DESI1: variants seen among roughly 807,000 people sequenced by gnomAD.
DESI1 encodes the protein desumoylating isopeptidase 1.
A neutral mutation model predicts 22.4 loss-of-function variants in DESI1; 17 were observed. The ratio of observed to expected loss-of-function variants is 0.76; its 90% CI spans 0.52 to 1.14. DESI1 has a LOEUF of 1.14. DESI1 is among the 50% of genes most tolerant of loss of function. The pLI is 0.00. For synonymous variants in DESI1, 92 were observed against 84.2 expected (o/e 1.09, Z -0.51); for missense variants, 177 against 208.9 (o/e 0.85, Z 0.94).
At chr22:41,617,432 A>G (rs181718609) in intron 1 of DESI1, among the ~76,000 whole-genome samples, 2 of 152,360 alleles carry the variant, frequency 1.3e-5, no homozygotes, top group East Asian at 3.8e-4. Context: ...TACTTCTAGA[A>G]TTCATCATAA....
Position 41,601,189 on chromosome 22 carries a change from G to T in DESI1, c.415C>A (p.Pro139Thr). The T allele has an allele frequency of 1.2e-6, 2 of 1,607,532 alleles. No homozygotes were observed. The highest frequency in any genetic ancestry group is 1.7e-6 in the Non-Finnish European group (2 of 1,177,196). ...AGGGGCCGAAGTGCCTGTCCAAAGG[G>T]CCTGCAAGGAAACAGAGACATGAGA... is the stretch of plus-strand genomic sequence containing the variant. ...TDLPSEVLST[P>T]FGQALRPLLD... The change falls in exon 6 of 6, where the codon CCC becomes ACC. Residue 139 changes from proline (P) to threonine (T), a missense_variant and splice_region_variant. By Grantham distance (38) the Pro-to-Thr change is conservative (BLOSUM62 -1). Coordinates refer to ENST00000263256, the MANE Select transcript of DESI1 (RefSeq NM_015704.3).
chr22:41,603,997 A>G (rs957912442), intron 4 of DESI1, 47 bp downstream of exon 4: 3 of 1,549,674 alleles, frequency 1.9e-6, no homozygotes, highest in African/African-American at 2.7e-5. Flanking sequence ...GTTATTATCT[A>G]GCTGGGGAGA....
At chr22:41,602,456 A>G (rs889010084) in intron 5 of DESI1, 1 of 985,304 alleles carries the variant, frequency 1.0e-6, no homozygotes, top group Non-Finnish European at 1.2e-6. Context: ...TTCCTATGCA[A>G]GCTCTTCCTG....
chr22:41,613,090 C>T (rs1036698155), intron 1 of DESI1, among the ~76,000 whole-genome samples: 6 of 152,194 alleles, frequency 3.9e-5, no homozygotes, highest in African/African-American at 1.4e-4. Context: ...CCACATGTGG[C>T]TATTTAAGTT....
In DESI1 at chr22:41,599,556, C is replaced by T. The variant is rs1253531975; in HGVS notation, c.*1541G>A. On this transcript the variant is annotated 3_prime_UTR_variant, in exon 6 of 6. Coordinates refer to ENST00000263256, the MANE Select transcript of DESI1 (RefSeq NM_015704.3). ...CTAAATTTTCTTGCCACCTTGATTC[C>T]ACTTCATTATTTTATTTTTTTGAGA... 6.6e-6 allele frequency: 1 copy of T among 152,006 alleles called. No individual in the cohort carries two copies. The highest frequency in any genetic ancestry group is 1.9e-4 in the East Asian group (1 of 5,170). The allele number at this position is 152,006 out of a possible 1,614,324, so 9.4% of individuals were successfully genotyped here.
At chr22:41,614,912 T>TA (rs1455168841) in intron 1 of DESI1, among the ~76,000 whole-genome samples, 6 of 150,638 alleles carry the variant, frequency 4.0e-5, no homozygotes, top group African/African-American at 1.2e-4. Context: ...TTTTTTTTTT[T>TA]AACAAAAAAG....
intron 1 of DESI1, among the ~76,000 whole-genome samples, chr22:41,617,433 TTCA>T (rs1437379413): frequency 3.3e-5 from 5 of 152,196 alleles, no homozygotes; most frequent in Non-Finnish European, 5.9e-5. Flanking sequence ...ACTTCTAGAA[TTCA>T]TCATAAAAAT....
Position 41,607,335 on chromosome 22 carries a change from T to A in DESI1, c.111-4A>T. 6.2e-7 allele frequency: 1 copy of A among 1,609,084 alleles called. No homozygotes were observed. Among genetic ancestry groups the A allele is most frequent in the Non-Finnish European group, 8.5e-7 (1 of 1,177,950 alleles). On this transcript the variant is annotated splice_polypyrimidine_tract_variant and splice_region_variant and intron_variant, in intron 2 of 5. Transcript: ENST00000263256. ...GTGCACAACTATGGATGTGTGCCTG[T>A]CACACAGAGAGAGACACAGTAAGCC...
At chr22:41,608,832 C>CA (rs2067498317) in intron 1 of DESI1, among the ~76,000 whole-genome samples, 1 of 152,186 alleles carries the variant, frequency 6.6e-6, no homozygotes, top group Non-Finnish European at 1.5e-5. Flanking sequence ...AGAGGAAGGG[C>CA]ATTGAAAGAC....
intron 1 of DESI1, among the ~76,000 whole-genome samples, chr22:41,617,174 A>G (rs2067555948): frequency 6.6e-6 from 1 of 152,216 alleles, no homozygotes; most frequent in Admixed American, 6.5e-5. Flanking sequence ...GGTATCTCAA[A>G]ATGACAGAGA....
intron 2 of DESI1, 68 bp from the exon 3 acceptor site, chr22:41,607,399 T>C (rs1372801594): frequency 2.3e-5 from 33 of 1,462,014 alleles, no homozygotes; most frequent in Non-Finnish European, 3.0e-5. Flanking sequence ...AACACCATAA[T>C]GCAATGAGAG....
chr22:41,618,991 G>A lies in DESI1; in HGVS notation c.88+1761C>T, dbSNP rs147714120. On this transcript the variant is annotated intron_variant, in intron 1 of 5. Coordinates refer to ENST00000263256, the MANE Select transcript of DESI1 (RefSeq NM_015704.3). Reference sequence around the variant, plus strand: ...AGGCAGGAGAATGGCGTGAACCCGGGAGGCGGAGCTTGCAGTGAGCCTAGA... The same window carrying A: ...AGGCAGGAGAATGGCGTGAACCCGGAAGGCGGAGCTTGCAGTGAGCCTAGA... Among the ~76,000 whole-genome samples the A allele has an allele frequency of 6.7e-3, 1,014 of 152,120 alleles. 11 individuals are homozygous for A. The highest frequency in any genetic ancestry group is 0.022 in the African/African-American group (926 of 41,496).
intron 1 of DESI1, among the ~76,000 whole-genome samples, chr22:41,610,045 A>G (rs1414016595): frequency 1.5e-5 from 2 of 136,078 alleles, no homozygotes; most frequent in African/African-American, 2.8e-5. Context: ...GCGCCATTGC[A>G]CTCCAGCCTG....
intron 1 of DESI1, among the ~76,000 whole-genome samples, chr22:41,609,168 C>T (rs529890604): frequency 3.9e-4 from 60 of 152,290 alleles, no homozygotes; most frequent in African/African-American, 1.3e-3. Context: ...TCTCGAACTC[C>T]TCGCCTCAAG....
chr22:41,609,682 C>T (rs564608451), intron 1 of DESI1, among the ~76,000 whole-genome samples: 21 of 152,108 alleles, frequency 1.4e-4, no homozygotes, highest in African/African-American at 4.8e-4. Flanking sequence ...CCTGTAGTCC[C>T]AGCTACTCAG....
chr22:41,605,965 A>G (rs2067477058), intron 3 of DESI1, among the ~76,000 whole-genome samples: 1 of 152,262 alleles, frequency 6.6e-6, no homozygotes, highest in African/African-American at 2.4e-5. Flanking sequence ...GCAGGTTTCA[A>G]TGTCTACGGT....
chr22:41,600,905 G>T lies in DESI1; in HGVS notation c.*192C>A. ...TAAATTAGTATAATACTATTAGAAG[G>T]GGTGGCATTTTGTTCTGTTTCTTAG... On this transcript the variant is annotated 3_prime_UTR_variant, in exon 6 of 6. Transcript: ENST00000263256. 1 of 591,994 alleles carries T rather than the reference G, an allele frequency of 1.7e-6. No homozygotes were observed. The highest frequency in any genetic ancestry group is 3.0e-6 in the Non-Finnish European group (1 of 329,268). 36.7% of individuals were successfully genotyped at this position (591,994 alleles called of 1,614,324 possible). A position where few individuals can be genotyped will look rare whatever the true frequency, so the allele number is the denominator to read the frequency against.
intron 1 of DESI1, among the ~76,000 whole-genome samples, chr22:41,618,627 G>C (rs1340694766): frequency 6.6e-6 from 1 of 152,054 alleles, no homozygotes; most frequent in Non-Finnish European, 1.5e-5. Flanking sequence ...CCTTTCAGCT[G>C]CCCAATAATT....
At chr22:41,613,915 T>A (rs372995699) in intron 1 of DESI1, among the ~76,000 whole-genome samples, 2 of 152,202 alleles carry the variant, frequency 1.3e-5, no homozygotes, top group East Asian at 3.8e-4. Context: ...GTATCATCAC[T>A]GAATTTGCCT....
Sources: allele counts gnomAD v4.1 joint callset (sites outside exome capture counted in the v4.1 genomes callset), GRCh38; gene constraint gnomAD v4.1.1; transcripts MANE v1.5; gene names NCBI Gene and HGNC (gene_info 2026-07-23, HGNC 2026-07-21).